Variants in HOXB3 observed in about 807,000 individuals in gnomAD.
The protein encoded by HOXB3 is homeobox protein Hox-B3.
In HOXB3, 17 loss-of-function variants were observed where a neutral mutation model predicts 29.2. That is an observed-to-expected ratio of 0.58 (90% CI 0.40 to 0.87). The LOEUF (loss-of-function observed/expected upper bound fraction) is 0.87. HOXB3 is among the 40% of genes least tolerant of loss of function. The pLI, the probability that HOXB3 is intolerant of heterozygous loss-of-function variation, is 0.00. For missense variants in HOXB3, 637 were observed against 616.3 expected, an observed-to-expected ratio of 1.03 and a Z score of -0.35; for synonymous variants, 317 against 285.9, an observed-to-expected ratio of 1.11 and a Z score of -1.10.
intron 1 of HOXB3, chr17:48,580,008 G>T (rs2069894024): frequency 8.6e-6 from 4 of 466,204 alleles, no homozygotes; most frequent in South Asian, 6.6e-5. Flanking sequence ...TTGGGGTGTG[G>T]TTTGAGTGCT....
At chr17:48,585,021 T>A (rs2070020204) in intron 1 of HOXB3, among the ~76,000 whole-genome samples, 1 of 149,380 alleles carries the variant, frequency 6.7e-6, no homozygotes, top group Admixed American at 6.7e-5. Flanking sequence ...GCAATAACAC[T>A]GGCCTCACCA....
intron 1 of HOXB3, among the ~76,000 whole-genome samples, chr17:48,577,577 C>T (rs2069807865): frequency 6.6e-6 from 1 of 152,234 alleles, no homozygotes. Flanking sequence ...CCCCAACTTC[C>T]AACTTCATTA....
Position 48,550,503 on chromosome 17 carries a change from A to C in HOXB3, c.1127T>G (p.Leu376Arg), listed in dbSNP as rs2068679079. 3.8e-6 allele frequency: 6 copies of C among 1,596,794 alleles called. No individual in the cohort carries two copies. The highest frequency in any genetic ancestry group is 5.1e-6 in the Non-Finnish European group (6 of 1,174,556). ...AGPSLYGLNH[L>R]SHHPSGNLDY... ...CAGGTTCCCGGAAGGGTGATGGGAA[A>C]GGTGGTTGAGGCCATAGAGGGAGGG... Residue 376 changes from leucine to arginine, a missense_variant, in exon 5 of 5, where the codon CTT becomes CGT. Coordinates refer to ENST00000498678, the MANE Select transcript of HOXB3 (RefSeq NM_001384749.1).
intron 2 of HOXB3, among the ~76,000 whole-genome samples, chr17:48,567,755 C>G (rs868122734): frequency 3.9e-5 from 6 of 152,204 alleles, no homozygotes; most frequent in African/African-American, 1.4e-4. Context: ...AGAAAAACTT[C>G]GGAGAACTTC....
intron 2 of HOXB3, 85 bp from the exon 3 acceptor site, chr17:48,555,703 C>T (rs1462071420): frequency 1.5e-5 from 10 of 683,094 alleles, no homozygotes; most frequent in Non-Finnish European, 2.4e-5. Context: ...GCCACCCCGG[C>T]TGGGGAGCCC....
At chr17:48,573,776 A>G (rs2144866457) in intron 2 of HOXB3, 61 bp downstream of exon 2, 1 of 670,786 alleles carries the variant, frequency 1.5e-6, no homozygotes, top group Admixed American at 2.5e-5. Context: ...TTCTTCTTTC[A>G]GTTGTGAAAA....
At chr17:48,555,467 C>T in intron 3 of HOXB3, 64 bp downstream of exon 3, 1 of 701,004 alleles carries the variant, frequency 1.4e-6, no homozygotes, top group South Asian at 1.5e-5. Flanking sequence ...TCATATGGGC[C>T]ATAAATCATT....
chr17:48,565,399 A>C lies in HOXB3; in HGVS notation c.-247+8438T>G, dbSNP rs572583186. On this transcript the variant is annotated intron_variant, in intron 2 of 4. Coordinates refer to ENST00000498678, the MANE Select transcript of HOXB3 (RefSeq NM_001384749.1). ...GGCTTTGGGCAGCTTCCTGTAAAGAAGGCTGCTAGGGAGCAGGGAGCCTGG... is the reference window on the plus strand; with the variant it reads ...GGCTTTGGGCAGCTTCCTGTAAAGACGGCTGCTAGGGAGCAGGGAGCCTGG... Among the ~76,000 whole-genome samples the C allele has an allele frequency of 2.6e-5, 4 of 152,322 alleles. No individual in the cohort carries two copies. The East Asian group carries it at 7.7e-4, about 29-fold the overall frequency.
rs761361185 is a variant in HOXB3 at position 48,573,835 on chromosome 17, ACCTTTGCG to A, written c.-253_-247+1del. On this transcript the variant is annotated splice_donor_variant and 5_prime_UTR_variant, in exon 2 of 5. Coordinates refer to ENST00000498678, the MANE Select transcript of HOXB3 (RefSeq NM_001384749.1). LOFTEE classifies it low-confidence loss of function (5UTR_SPLICE). ...CGCCAGCCCGGGCCCGGGCTTTGTTACCTTTGCGCCTCTCGCCTCCTCTCGCCCGAACT... is the reference window on the plus strand; with the variant it reads ...CGCCAGCCCGGGCCCGGGCTTTGTTACCTCTCGCCTCCTCTCGCCCGAACT... 5 of 702,046 alleles carry A rather than the reference ACCTTTGCG, an allele frequency of 7.1e-6. No homozygotes were observed. In the South Asian group the frequency reaches 7.4e-5, roughly 10 times the overall value. 43.5% of individuals were successfully genotyped at this position (702,046 alleles called of 1,614,324 possible).
chr17:48,579,199 T>C (rs1304648896), intron 1 of HOXB3: 1 of 152,260 alleles, frequency 6.6e-6, no homozygotes, highest in Admixed American at 6.5e-5. Context: ...TTTCCCACAC[T>C]ATAGACAGAG....
At chr17:48,556,123 G>C (rs1351351730) in intron 2 of HOXB3, among the ~76,000 whole-genome samples, 1 of 148,576 alleles carries the variant, frequency 6.7e-6, no homozygotes, top group East Asian at 2.0e-4. Flanking sequence ...CAAAAAAAGA[G>C]TAAGAAGAAA....
intron 1 of HOXB3, among the ~76,000 whole-genome samples, chr17:48,583,708 G>A (rs969004468): frequency 6.6e-6 from 1 of 152,208 alleles, no homozygotes; most frequent in Non-Finnish European, 1.5e-5. Context: ...ATTTGCTAAC[G>A]TTCTGTGCTG....
At chr17:48,577,388 C>T (rs1010670840) in intron 1 of HOXB3, among the ~76,000 whole-genome samples, 3 of 152,150 alleles carry the variant, frequency 2.0e-5, no homozygotes, top group South Asian at 2.1e-4. Flanking sequence ...TGTTTAGTTC[C>T]CACCCTTGCT....
chr17:48,555,786 G>C (rs2555113), intron 2 of HOXB3, among the ~76,000 whole-genome samples, 168 bp from the exon 3 acceptor site: 1 of 151,758 alleles, frequency 6.6e-6, no homozygotes, highest in African/African-American at 2.4e-5. Flanking sequence ...GGGGTGCGCA[G>C]GAGGGAGGGG....
intron 1 of HOXB3, among the ~76,000 whole-genome samples, chr17:48,587,076 G>C (rs1015762092): frequency 7.9e-5 from 12 of 152,138 alleles, no homozygotes; most frequent in African/African-American, 2.7e-4. Flanking sequence ...TGACTGTAGA[G>C]ACTAAGTCAT....
At position 48,552,132 on chromosome 17, in the gene HOXB3, G is replaced by A. The variant is rs757903616; in HGVS notation, c.343C>T (p.Pro115Ser). ...NGGGPSKSGPPKCGPGTNSTL... is the reference protein window; with the variant it reads ...NGGGPSKSGPSKCGPGTNSTL... The stretch of plus-strand genomic sequence containing the variant: ...GAGTTGGTGCCGGGACCGCACTTTG[G>A]GGGACCACTTTTGCTGGGCCCGCCC... The change falls in exon 4 of 5, where the codon CCA becomes TCA. Residue 115 changes from proline (P) to serine (S), a missense_variant. Coordinates refer to ENST00000498678, the MANE Select transcript of HOXB3 (RefSeq NM_001384749.1). The A allele has an allele frequency of 1.9e-6, 3 of 1,613,854 alleles. No homozygotes were observed. In the African/African-American group the frequency reaches 4.0e-5, roughly 22 times the overall value.
chr17:48,589,674 T>TC (rs1206205996), intron 1 of HOXB3, among the ~76,000 whole-genome samples: 1 of 152,082 alleles, frequency 6.6e-6, no homozygotes, highest in East Asian at 1.9e-4. Context: ...CTCAGATGTA[T>TC]CCAGATAAAA....
intron 1 of HOXB3, among the ~76,000 whole-genome samples, chr17:48,584,441 C>G (rs1288810806): frequency 6.6e-6 from 1 of 152,186 alleles, no homozygotes; most frequent in African/African-American, 2.4e-5. Context: ...TTCTTGAAAA[C>G]AGGCCTGCCT....
intron 1 of HOXB3, chr17:48,578,627 CAGAG>C (rs571967868): frequency 1.7e-5 from 6 of 346,240 alleles, no homozygotes; most frequent in East Asian, 9.0e-5. Context: ...TCTCCGGGAT[CAGAG>C]AGAGAGCGAG....
Sources: allele counts gnomAD v4.1 joint callset (sites outside exome capture counted in the v4.1 genomes callset), GRCh38; gene constraint gnomAD v4.1.1; transcripts MANE v1.5; gene names NCBI Gene and HGNC (gene_info 2026-07-23, HGNC 2026-07-21).